Variants in HDX observed in about 807,000 individuals in gnomAD.
HDX encodes the protein highly divergent homeobox.
HDX carries 19 observed loss-of-function variants against 45.2 expected under a neutral mutation model. The observed-to-expected ratio is 0.42, with a 90% CI of 0.29 to 0.62. HDX has a LOEUF of 0.62. HDX is among the 20% of genes least tolerant of loss of function. HDX has a pLI of 0.20. For missense variants in HDX, 532 were observed against 493.9 expected (o/e 1.08, Z -0.73); for synonymous variants, 188 against 172.8 (o/e 1.09, Z -0.69).
intron 5 of HDX, among the ~76,000 whole-genome samples, chrX:84,390,356 A>G (rs762001087): frequency 1.8e-5 from 2 of 111,985 alleles, no homozygotes; most frequent in East Asian, 5.6e-4. Context: ...TTAAGAGTGA[A>G]TTTCTGTTTT....
chrX:84,432,209 C>A (rs1320004319), intron 5 of HDX, among the ~76,000 whole-genome samples: 1 of 111,415 alleles, frequency 9.0e-6, no homozygotes, highest in Non-Finnish European at 1.9e-5. Flanking sequence ...TGTTTTTGTA[C>A]CAATACCATG....
At chrX:84,325,047 C>A (rs1015320125) in intron 10 of HDX, among the ~76,000 whole-genome samples, 2 of 110,907 alleles carry the variant, frequency 1.8e-5, no homozygotes, top group Non-Finnish European at 3.8e-5. Flanking sequence ...AAGCTACTGT[C>A]TTGAGATGTC....
At chrX:84,415,337 C>G (rs748583681) in intron 5 of HDX, among the ~76,000 whole-genome samples, 1 of 112,062 alleles carries the variant, frequency 8.9e-6, no homozygotes, top group Non-Finnish European at 1.9e-5. Flanking sequence ...GACACTTGCC[C>G]TTTCCTGTTT....
chrX:84,486,037 G>A (rs1217802508), intron 2 of HDX, among the ~76,000 whole-genome samples: 1 of 111,748 alleles, frequency 8.9e-6, no homozygotes, highest in Non-Finnish European at 1.9e-5. Flanking sequence ...TACATTTAAT[G>A]TAATTACTGA....
chrX:84,328,499 A>G (rs2036768088), intron 9 of HDX, among the ~76,000 whole-genome samples: 1 of 112,328 alleles, frequency 8.9e-6, no homozygotes, highest in Non-Finnish European at 1.9e-5. Flanking sequence ...ACTTGGATTC[A>G]GAATACATGA....
chrX:84,354,574 AC>A, intron 6 of HDX, among the ~76,000 whole-genome samples: 1 of 110,609 alleles, frequency 9.0e-6, no homozygotes, highest in Non-Finnish European at 1.9e-5. Flanking sequence ...ATGATAAACA[AC>A]AGAAATGCAT....
chrX:84,463,531 C>A (rs1428330653), intron 4 of HDX, among the ~76,000 whole-genome samples: 1 of 111,139 alleles, frequency 9.0e-6, no homozygotes, highest in African/African-American at 3.3e-5. Flanking sequence ...TCTATTAATT[C>A]CAAAGACCTT....
chrX:84,463,896 C>T (rs760620019), intron 4 of HDX, among the ~76,000 whole-genome samples: 1 of 111,205 alleles, frequency 9.0e-6, no homozygotes, highest in Admixed American at 9.6e-5. Flanking sequence ...ATATTATATT[C>T]CCAAGAGGCT....
In HDX at chrX:84,424,593, T is replaced by C. The variant is rs1225289458; in HGVS notation, c.1305+15939A>G. Among the ~76,000 whole-genome samples the C allele has an allele frequency of 3.6e-5, 4 of 111,345 alleles. No homozygotes were observed. In the East Asian group the frequency reaches 1.1e-3, roughly 32 times the overall value. On this transcript the variant is annotated intron_variant, in intron 5 of 10. Transcript: ENST00000373177. ...GTGCTATAGTGACTAAAAGAGCATG[T>C]TACTGGCATAAGAACAGACACATAA...
chrX:84,462,563 A>G (rs892287767), intron 4 of HDX, among the ~76,000 whole-genome samples: 2 of 111,570 alleles, frequency 1.8e-5, no homozygotes, highest in Non-Finnish European at 1.9e-5. Flanking sequence ...AATAAGCCAA[A>G]ATACCAATGT....
Position 84,468,971 on chromosome X carries a change from C to T in HDX, c.752G>A (p.Arg251Lys), listed in dbSNP as rs2148137775. 1 of 1,210,100 alleles carries T rather than the reference C, an allele frequency of 8.3e-7. No homozygotes were observed. The highest frequency in any genetic ancestry group is 2.2e-5 in the Admixed American group (1 of 45,768). Residue 251 changes from arginine to lysine, a missense_variant, in exon 4 of 11, where the codon AGA (arginine) becomes AAA (lysine). Transcript: ENST00000373177. Reference sequence around the variant, plus strand: ...GTTTTGTGTTCTACAGTAAGGGTCTCTAATAGTTGGCTTTTGCCCACATAA... The same window carrying T: ...GTTTTGTGTTCTACAGTAAGGGTCTTTAATAGTTGGCTTTTGCCCACATAA... ...HNLCGQKPTI[R>K]DPYCRTQNLE... is the part of the protein sequence containing the mutation.
intron 5 of HDX, among the ~76,000 whole-genome samples, chrX:84,371,213 T>A (rs781737126): frequency 3.6e-5 from 4 of 112,000 alleles, no homozygotes; most frequent in Non-Finnish European, 7.5e-5. Flanking sequence ...CTCTTCCTAG[T>A]TGTGAAAAAG....
intron 4 of HDX, among the ~76,000 whole-genome samples, chrX:84,446,085 C>G (rs747031696): frequency 9.0e-6 from 1 of 111,018 alleles, no homozygotes; most frequent in Admixed American, 9.6e-5. Flanking sequence ...TTGAGATATT[C>G]CCTGTTAAAA....
intron 5 of HDX, among the ~76,000 whole-genome samples, chrX:84,416,089 T>C (rs66987967): frequency 0.19 from 20,852 of 110,972 alleles, 1,947 homozygotes; most frequent in East Asian, 0.68. Flanking sequence ...TTGTCTAGGC[T>C]CAGACAGGTT....
At chrX:84,330,217 TA>T (rs927007314) in intron 9 of HDX, among the ~76,000 whole-genome samples, 4 of 111,320 alleles carry the variant, frequency 3.6e-5, no homozygotes, top group Non-Finnish European at 7.6e-5. Flanking sequence ...AAAATTATTC[TA>T]AAAAAATAAT....
chrX:84,336,750 T>C, intron 8 of HDX, 51 bp downstream of exon 8: 1 of 817,455 alleles, frequency 1.2e-6, no homozygotes. Flanking sequence ...ACTGGATACT[T>C]GGGCTTGAAA....
chrX:84,468,906 A>G lies in HDX; in HGVS notation c.817T>C (p.Tyr273His). 4 of 1,211,015 alleles carry G rather than the reference A, an allele frequency of 3.3e-6. No individual in the cohort carries two copies. The highest frequency in any genetic ancestry group is 4.5e-6 in the Non-Finnish European group (4 of 894,856). ...REVFSLAVSD[Y>H]PQRILGGNAP... is the part of the protein sequence containing the mutation. ...TTTCCTCCCAGAATTCTCTGGGGGTAATCGCTAACTGCCAATGAAAACACT... is the reference window on the plus strand; with the variant it reads ...TTTCCTCCCAGAATTCTCTGGGGGTGATCGCTAACTGCCAATGAAAACACT... Residue 273 changes from tyrosine (Y) to histidine (H), a missense_variant, in exon 4 of 11, where the codon TAC becomes CAC. This residue lies in a region of HDX where 376 missense variants were observed against 343.7 expected (regional missense o/e 1.09). Coordinates refer to ENST00000373177, the MANE Select transcript of HDX (RefSeq NM_001177479.2).
At chrX:84,417,564 C>G in intron 5 of HDX, among the ~76,000 whole-genome samples, 1 of 112,225 alleles carries the variant, frequency 8.9e-6, no homozygotes, top group Non-Finnish European at 1.9e-5. Flanking sequence ...TGGCTTCTGT[C>G]TGGTTTCACA....
intron 9 of HDX, among the ~76,000 whole-genome samples, chrX:84,329,802 C>G (rs1255059232): frequency 9.0e-6 from 1 of 111,603 alleles, no homozygotes; most frequent in African/African-American, 3.2e-5. Flanking sequence ...TTCCCAGCCT[C>G]CCACAAGCCC....
Sources: gnomAD v4.1 joint callset for allele counts (sites outside exome capture counted in the v4.1 genomes callset) on GRCh38, gnomAD v4.1.1 for gene constraint, gnomAD v4.1.1 regional missense constraint, MANE v1.5 for transcripts, NCBI Gene and HGNC (gene_info 2026-07-23, HGNC 2026-07-21) for gene names.